CRISP3: variants seen among roughly 807,000 people sequenced by gnomAD.
The protein encoded by CRISP3 is cysteine-rich secretory protein 3.
In CRISP3, 33 loss-of-function variants were observed where a neutral mutation model predicts 36.1. That is an observed-to-expected ratio of 0.91 (90% confidence interval 0.69 to 1.22). CRISP3 has a LOEUF of 1.22. CRISP3 is among the 50% of genes most tolerant of loss of function. The pLI is 0.00. For missense variants in CRISP3, 330 were observed against 301.2 expected, an observed-to-expected ratio of 1.10 and a Z score of -0.71; for synonymous variants, 117 against 104.6, an observed-to-expected ratio of 1.12 and a Z score of -0.72.
At chr6:49,733,890 T>C (rs1345943641) in intron 4 of CRISP3, 42 bp from the exon 5 acceptor site, 1 of 1,583,890 alleles carries the variant, frequency 6.3e-7, no homozygotes, top group Non-Finnish European at 8.6e-7. Flanking sequence ...CAATAAAGCA[T>C]GCAATGGCAA....
At chr6:49,741,129 A>AC (rs1441466672) in intron 1 of CRISP3, among the ~76,000 whole-genome samples, 8 of 91,264 alleles carry the variant, frequency 8.8e-5, no homozygotes, top group South Asian at 8.3e-4. Flanking sequence ...ACAAACAAAA[A>AC]AAACAAACAA....
chr6:49,734,714 C>A (rs1768999931), intron 4 of CRISP3, among the ~76,000 whole-genome samples: 1 of 151,996 alleles, frequency 6.6e-6, no homozygotes, highest in Non-Finnish European at 1.5e-5. Flanking sequence ...AGTTTTATAT[C>A]AAAAATATAG....
In CRISP3 at chr6:49,728,646, A is replaced by G. The variant is rs1263104422; in HGVS notation, c.*84T>C. 2 of 1,149,974 alleles carry G rather than the reference A, an allele frequency of 1.7e-6. No individual in the cohort carries two copies. Among genetic ancestry groups the G allele is most frequent in the Non-Finnish European group, 1.2e-6 (1 of 859,368 alleles). 71.2% of individuals were successfully genotyped at this position (1,149,974 alleles called of 1,614,324 possible). On this transcript the variant is annotated 3_prime_UTR_variant, in exon 8 of 8. Transcript: ENST00000263045. ...ACATGCCTACAATTTCTCAGCTAGT[A>G]TATGTTAAATCTAAGTAGATGCCAA... is the stretch of plus-strand genomic sequence containing the variant.
chr6:49,737,494 A>G, intron 1 of CRISP3, 96 bp from the exon 2 acceptor site: 1 of 1,209,808 alleles, frequency 8.3e-7, no homozygotes, highest in Non-Finnish European at 1.2e-6. Context: ...AATGACCTCC[A>G]TTATCCCAAA....
In CRISP3 at chr6:49,727,915, C is replaced by T. The variant is rs1768807334; in HGVS notation, c.*815G>A. On this transcript the variant is annotated 3_prime_UTR_variant, in exon 8 of 8. Transcript: ENST00000263045. ...AGACGTCATTTGTCATTTTTCTCCC[C>T]TGTAAAGTTACTATGTTTCCCTTTC... The T allele has an allele frequency of 6.6e-6, 1 of 152,068 alleles. No homozygotes were observed. Among genetic ancestry groups the T allele is most frequent in the South Asian group, 2.1e-4 (1 of 4,826 alleles). 9.4% of individuals were successfully genotyped at this position (152,068 alleles called of 1,614,324 possible).
intron 1 of CRISP3, among the ~76,000 whole-genome samples, chr6:49,743,866 C>A (rs1308636507): frequency 6.6e-6 from 1 of 151,430 alleles, no homozygotes; most frequent in South Asian, 2.1e-4. Flanking sequence ...ACTTTTTAAT[C>A]TTGAGATCAG....
intron 1 of CRISP3, among the ~76,000 whole-genome samples, chr6:49,740,731 C>T (rs1769177697): frequency 6.6e-6 from 1 of 151,812 alleles, no homozygotes; most frequent in African/African-American, 2.4e-5. Context: ...TCTTTATTTG[C>T]AAAATTCTGC....
chr6:49,736,317 A>G (rs377233938), intron 3 of CRISP3, 74 bp downstream of exon 3: 20 of 909,774 alleles, frequency 2.2e-5, no homozygotes, highest in African/African-American at 1.5e-4. Flanking sequence ...AGTTATTAAG[A>G]GATATTAGTT....
Position 49,731,265 on chromosome 6 carries a change from T to A in CRISP3, c.561-14A>T. 1.3e-6 allele frequency: 2 copies of A among 1,541,570 alleles called. No homozygotes were observed. The highest frequency in any genetic ancestry group is 2.3e-5 in the East Asian group (1 of 43,730). On this transcript the variant is annotated splice_polypyrimidine_tract_variant and intron_variant, in intron 6 of 7. Coordinates refer to ENST00000263045, the MANE Select transcript of CRISP3 (RefSeq NM_006061.4). ...GCCCAATTACCACTGAAATTTGAAA[T>A]AAAAATGTCAAATATTTTTCATTTT...
intron 7 of CRISP3, among the ~76,000 whole-genome samples, chr6:49,729,413 A>G (rs1386725223): frequency 6.6e-6 from 1 of 152,108 alleles, no homozygotes; most frequent in Non-Finnish European, 1.5e-5. Context: ...TAATTATTAT[A>G]GGAAGATGTA....
chr6:49,737,267 G>A lies in CRISP3; in HGVS notation c.111+58C>T, dbSNP rs1045945442. On this transcript the variant is annotated intron_variant, in intron 2 of 7. Coordinates refer to ENST00000263045, the MANE Select transcript of CRISP3 (RefSeq NM_006061.4). ...TTCACTTTTGAAGATTGATCTAGTAGCTTGCCATCCCTCATGGTTGCCTGA... is the reference window on the plus strand; with the variant it reads ...TTCACTTTTGAAGATTGATCTAGTAACTTGCCATCCCTCATGGTTGCCTGA... The A allele has an allele frequency of 1.6e-5, 21 of 1,343,704 alleles. No individual in the cohort carries two copies. In the Admixed American group the frequency reaches 3.5e-4, roughly 23 times the overall value. The allele number at this position is 1,343,704 out of a possible 1,614,324, so 83.2% of individuals were successfully genotyped here.
At position 49,737,367 on chromosome 6, in the gene CRISP3, C is replaced by T. The variant is rs1387598147; in HGVS notation, c.69G>A (p.Leu23=). Residue 23 remains leucine, a synonymous_variant, in exon 2 of 8, where the codon CTG becomes CTA. Coordinates refer to ENST00000263045, the MANE Select transcript of CRISP3 (RefSeq NM_006061.4). ...GAAAAGATGGAAGCAGCCCAGCAAC[C>T]AGGAACAACAGCACTGGGAATAATG... ...AMTLFPVLLF[L]VAGLLPSFPA... is the part of the protein sequence containing the mutation. 1 of 1,613,826 alleles carries T rather than the reference C, an allele frequency of 6.2e-7. No individual in the cohort carries two copies. The highest frequency in any genetic ancestry group is 1.3e-5 in the African/African-American group (1 of 74,876).
rs879229851 is a variant in CRISP3 at position 49,736,399 on chromosome 6, G to C, written c.220C>G (p.Leu74Val). 6.2e-7 allele frequency: 1 copy of C among 1,606,352 alleles called. No individual in the cohort carries two copies. The highest frequency in any genetic ancestry group is 8.5e-7 in the Non-Finnish European group (1 of 1,173,494). The change falls in exon 3 of 8, where the codon CTG (leucine) becomes GTG (valine). Residue 74 changes from leucine to valine, a missense_variant. Coordinates refer to ENST00000263045, the MANE Select transcript of CRISP3 (RefSeq NM_006061.4). ...RAVSPPARNM[L>V]KMEWNKEAAA... The stretch of plus-strand genomic sequence containing the variant: ...GCAATATCACCTCTTACCATCTTCA[G>C]CATGTTTCTGGCAGGGGGAGATACT...
In CRISP3 at chr6:49,731,192, C is replaced by A; in HGVS notation, c.620G>T (p.Cys207Phe). ...TAGTCCATCGTCACAGTTATCTGGG[C>A]AACTGGCACAAGGTGCTCCTTGTTC... The part of the protein sequence containing the change: ...PYEQGAPCAS[C>F]PDNCDDGLCT... The change falls in exon 7 of 8, where the codon TGC becomes TTC. Residue 207 changes from cysteine (C) to phenylalanine (F), a missense_variant. Cys to Phe is a radical substitution (Grantham distance 205). Transcript: ENST00000263045. The A allele has an allele frequency of 6.2e-7, 1 of 1,611,130 alleles. No individual in the cohort carries two copies. The highest frequency in any genetic ancestry group is 8.5e-7 in the Non-Finnish European group (1 of 1,178,304).
rs1233007439 is a variant in CRISP3 at position 49,733,729 on chromosome 6, T to G, written c.436A>C (p.Asn146His). ...FDFGVGPKTPNAVVGHYTQVV... is the reference protein window; with the variant it reads ...FDFGVGPKTPHAVVGHYTQVV... ...TGTGTATAATGTCCAACCACTGCGT[T>G]GGGAGTCTTTGGCCCTACACCAAAG... The change falls in exon 5 of 8, where the codon AAC becomes CAC. Residue 146 changes from asparagine (N) to histidine (H), a missense_variant. Coordinates refer to ENST00000263045, the MANE Select transcript of CRISP3 (RefSeq NM_006061.4). 6.2e-7 allele frequency: 1 copy of G among 1,613,466 alleles called. No individual in the cohort carries two copies. The highest frequency in any genetic ancestry group is 1.7e-5 in the Admixed American group (1 of 59,988).
chr6:49,727,997 G>A lies in CRISP3; in HGVS notation c.*733C>T, dbSNP rs1176136895. ...TTTTAGTGAAGACTCACAAGGGAGAGGACTGAGTTCTACCTCCTTGAGTGG... is the reference window on the plus strand; with the variant it reads ...TTTTAGTGAAGACTCACAAGGGAGAAGACTGAGTTCTACCTCCTTGAGTGG... On this transcript the variant is annotated 3_prime_UTR_variant, in exon 8 of 8. Coordinates refer to ENST00000263045, the MANE Select transcript of CRISP3 (RefSeq NM_006061.4). The A allele has an allele frequency of 2.0e-5, 3 of 152,032 alleles. No individual in the cohort carries two copies. The highest frequency in any genetic ancestry group is 4.4e-5 in the Non-Finnish European group (3 of 67,968). The allele number at this position is 152,032 out of a possible 1,614,324, so 9.4% of individuals were successfully genotyped here. A position where few individuals can be genotyped will look rare whatever the true frequency, so the allele number is the denominator to read the frequency against.
In CRISP3 at chr6:49,733,054, T is replaced by C; in HGVS notation, c.560+141A>G. On this transcript the variant is annotated intron_variant, in intron 6 of 7. Transcript: ENST00000263045. ...AAACTTTATCTTTCTGAGAAGTTGG[T>C]TGAATGTGTCTCAACTTTAGAAAAC... 3 of 487,364 alleles carry C rather than the reference T, an allele frequency of 6.2e-6. No individual in the cohort carries two copies. The South Asian group carries it at 1.2e-4, about 20-fold the overall frequency. The allele number at this position is 487,364 out of a possible 1,614,324, so 30.2% of individuals were successfully genotyped here. A position where few individuals can be genotyped will look rare whatever the true frequency, so the allele number is the denominator to read the frequency against.
Position 49,744,262 on chromosome 6 carries a change from A to C in CRISP3, c.37+69T>G, listed in dbSNP as rs1049748556. The C allele has an allele frequency of 7.1e-6, 8 of 1,121,206 alleles. No homozygotes were observed. In the East Asian group the frequency reaches 1.1e-4, roughly 15 times the overall value. 69.5% of individuals were successfully genotyped at this position (1,121,206 alleles called of 1,614,324 possible). On this transcript the variant is annotated intron_variant, in intron 1 of 7. Transcript: ENST00000263045. ...ACGAATATATCACTTTATCATTGATAAGGTATAAATGTGTTGTTCACCTTG... is the reference window on the plus strand; with the variant it reads ...ACGAATATATCACTTTATCATTGATCAGGTATAAATGTGTTGTTCACCTTG...
intron 7 of CRISP3, 152 bp from the exon 8 acceptor site, chr6:49,729,009 CACATAAGGT>C: frequency 1.7e-6 from 1 of 588,678 alleles, no homozygotes; most frequent in Non-Finnish European, 2.8e-6. Flanking sequence ...TCTTGAGGGA[CACATAAGGT>C]CACTTAGGTA....
Sources: allele counts gnomAD v4.1 joint callset (sites outside exome capture counted in the v4.1 genomes callset), GRCh38; gene constraint gnomAD v4.1.1; transcripts MANE v1.5; gene names NCBI Gene and HGNC (gene_info 2026-07-23, HGNC 2026-07-21).